Variants in ATP7B observed in about 807,000 individuals in gnomAD.
The protein encoded by ATP7B is ATPase copper transporting beta, also known as copper-transporting ATPase 2.
In ATP7B, 113 loss-of-function variants were observed where a neutral mutation model predicts 118.9. The ratio of observed to expected loss-of-function variants is 0.95; its 90% CI spans 0.82 to 1.11. The LOEUF (loss-of-function observed/expected upper bound fraction) is 1.11, where lower values mean the gene tolerates loss of function less well. ATP7B is among the 50% of genes most tolerant of loss of function. ATP7B has a pLI of 0.00. For missense variants in ATP7B, 1,867 were observed against 1,871.4 expected (o/e 1.00, Z 0.04); for synonymous variants, 777 against 727.4 (o/e 1.07, Z -1.10).
At chr13:52,008,080 G>A (rs549673686) in intron 1 of ATP7B, among the ~76,000 whole-genome samples, 5 of 151,778 alleles carry the variant, frequency 3.3e-5, no homozygotes, top group East Asian at 1.9e-4. Flanking sequence ...GTGGCCTCAC[G>A]CCTGTAATTC....
intron 1 of ATP7B, among the ~76,000 whole-genome samples, chr13:52,007,264 G>A (rs1445983166): frequency 6.6e-6 from 1 of 152,158 alleles, no homozygotes; most frequent in Non-Finnish European, 1.5e-5. Context: ...ATGACCAAGT[G>A]TCAAGTAAGT....
intron 1 of ATP7B, among the ~76,000 whole-genome samples, chr13:51,986,654 C>T (rs1029256721): frequency 2.0e-5 from 3 of 152,076 alleles, no homozygotes; most frequent in African/African-American, 4.8e-5. Flanking sequence ...AACATCGATG[C>T]AAAAATTCTC....
At chr13:51,975,464 C>T in intron 1 of ATP7B, 1 of 571,166 alleles carries the variant, frequency 1.8e-6, no homozygotes, top group Non-Finnish European at 3.4e-6. Flanking sequence ...CACAGCTTTA[C>T]ATATGGAATG....
In ATP7B at chr13:51,974,984, C is replaced by T. The variant is rs375470066; in HGVS notation, c.236G>A (p.Arg79Lys). Residue 79 changes from arginine to lysine, a missense_variant, in exon 2 of 21, where the codon AGG (arginine) becomes AAG (lysine). Coordinates refer to ENST00000242839, the MANE Select transcript of ATP7B (RefSeq NM_000053.4). ...CQSCVKSIED[R>K]ISNLKGIISM... ...GATGATGCCTTTCAAATTGGAAATC[C>T]TGTCCTCAATGGACTTCACACATGA... 1.5e-5 allele frequency: 24 copies of T among 1,614,204 alleles called. No individual in the cohort carries two copies. The highest frequency in any genetic ancestry group is 1.9e-5 in the Non-Finnish European group (23 of 1,180,038).
At position 52,011,407 on chromosome 13, in the gene ATP7B, G is replaced by C. The variant is rs1016775193; in HGVS notation, c.-70C>G. ...AAAAGGTCACCTGGTCGGTGGAGGA[G>C]AGCGGGGTGTTAAAGTCCCGGGAGA... is the stretch of plus-strand genomic sequence containing the variant. On this transcript the variant is annotated 5_prime_UTR_variant, in exon 1 of 21. Coordinates refer to ENST00000242839, the MANE Select transcript of ATP7B (RefSeq NM_000053.4). The C allele has an allele frequency of 1.0e-5, 16 of 1,607,920 alleles. No individual in the cohort carries two copies. Among genetic ancestry groups the C allele is most frequent in the Middle Eastern group, 1.6e-4 (1 of 6,070 alleles).
chr13:51,948,050 A>G (rs1213041632), intron 12 of ATP7B, among the ~76,000 whole-genome samples: 1 of 152,242 alleles, frequency 6.6e-6, no homozygotes, highest in African/African-American at 2.4e-5. Context: ...CCACAGGCAC[A>G]TTCTACCAAT....
At chr13:51,940,912 G>GA (rs1288206439) in intron 16 of ATP7B, among the ~76,000 whole-genome samples, 169 bp downstream of exon 16, 1 of 152,286 alleles carries the variant, frequency 6.6e-6, no homozygotes, top group Middle Eastern at 3.4e-3. Context: ...CCAGTGGAAA[G>GA]AATGAAGAGA....
intron 1 of ATP7B, among the ~76,000 whole-genome samples, chr13:51,991,955 G>A: frequency 6.6e-6 from 1 of 152,090 alleles, no homozygotes; most frequent in Admixed American, 6.5e-5. Context: ...TGTGGGAGAG[G>A]AGCGGGCGGA....
intron 19 of ATP7B, among the ~76,000 whole-genome samples, chr13:51,936,674 AC>A (rs1956984272): frequency 6.6e-6 from 1 of 152,056 alleles, no homozygotes; most frequent in African/African-American, 2.4e-5. Flanking sequence ...ACTAAGGTGT[AC>A]GCTACCACGC....
At position 52,009,047 on chromosome 13, in the gene ATP7B, CT is replaced by C. The variant is rs371377970; in HGVS notation, c.51+2239del. On this transcript the variant is annotated intron_variant, in intron 1 of 20. Transcript: ENST00000242839. ...ACACCATTATGCCCAGCTAATTTTT[CT>C]TTTTTTTTTGTATAAACGATGTCTT... Among the ~76,000 whole-genome samples the C allele has an allele frequency of 4.2e-3, 617 of 148,198 alleles. 3 individuals are homozygous for C. The highest frequency in any genetic ancestry group is 0.014 in the African/African-American group (550 of 40,494).
intron 9 of ATP7B, among the ~76,000 whole-genome samples, chr13:51,955,253 C>T (rs577655530): frequency 2.5e-3 from 376 of 152,266 alleles, no homozygotes; most frequent in Non-Finnish European, 3.6e-3. Context: ...AACCAGTGTC[C>T]AGTGCACCTC....
At chr13:51,986,844 G>A (rs899817137) in intron 1 of ATP7B, among the ~76,000 whole-genome samples, 5 of 152,042 alleles carry the variant, frequency 3.3e-5, no homozygotes, top group Non-Finnish European at 7.4e-5. Flanking sequence ...TAGACGCAGA[G>A]AAGACCTTCG....
chr13:51,940,391 C>T (rs1010705717), intron 16 of ATP7B, among the ~76,000 whole-genome samples: 11 of 150,570 alleles, frequency 7.3e-5, no homozygotes, highest in South Asian at 6.4e-4. Flanking sequence ...CGGTGGCTCA[C>T]GCCTGTAATC....
In ATP7B at chr13:51,974,123, G is replaced by A. The variant is rs1566595305; in HGVS notation, c.1097C>T (p.Ala366Val). ...GACACAGGATGCACAGGTCATGCCG[G>A]CAATGGCAATCAGAGTGGTACTGCA... ...GTCSTTLIAI[A>V]GMTCASCVHS... Residue 366 changes from alanine to valine, a missense_variant, in exon 2 of 21, where the codon GCC becomes GTC. Transcript: ENST00000242839. 1 of 1,613,922 alleles carries A rather than the reference G, an allele frequency of 6.2e-7. No individual in the cohort carries two copies.
At chr13:51,983,206 T>C (rs117882878) in intron 1 of ATP7B, among the ~76,000 whole-genome samples, 6 of 152,272 alleles carry the variant, frequency 3.9e-5, no homozygotes, top group Non-Finnish European at 8.8e-5. Context: ...GAAATCGACC[T>C]GGGATGCTCA....
intron 17 of ATP7B, among the ~76,000 whole-genome samples, chr13:51,938,106 C>G (rs1338168641): frequency 6.6e-6 from 1 of 152,206 alleles, no homozygotes; most frequent in Non-Finnish European, 1.5e-5. Context: ...CCCAGGGTCC[C>G]AGGGTCTGGC....
intron 2 of ATP7B, among the ~76,000 whole-genome samples, chr13:51,972,870 G>A (rs961640340): frequency 1.3e-5 from 2 of 152,146 alleles, no homozygotes; most frequent in African/African-American, 4.8e-5. Flanking sequence ...GCCCGGTGTG[G>A]TGGTGCACAC....
At chr13:51,941,051 G>T in intron 16 of ATP7B, 30 bp downstream of exon 16, 1 of 1,614,070 alleles carries the variant, frequency 6.2e-7, no homozygotes, top group South Asian at 1.1e-5. Flanking sequence ...ATTTCTGAGA[G>T]AGCGGAAGGA....
intron 9 of ATP7B, 44 bp from the exon 10 acceptor site, chr13:51,950,443 T>TC: frequency 6.2e-7 from 1 of 1,611,890 alleles, no homozygotes; most frequent in Non-Finnish European, 8.5e-7. Context: ...ACTCATTCGG[T>TC]CACCGGGTCA....
Sources: gnomAD v4.1 joint callset for allele counts (sites outside exome capture counted in the v4.1 genomes callset) on GRCh38, gnomAD v4.1.1 for gene constraint, MANE v1.5 for transcripts, NCBI Gene and HGNC (gene_info 2026-07-23, HGNC 2026-07-21) for gene names.